Variants in DOCK1 observed in about 807,000 individuals in gnomAD.
DOCK1 encodes the protein dedicator of cytokinesis 1.
A neutral mutation model predicts 262.7 loss-of-function variants in DOCK1; 138 were observed. That is an observed-to-expected ratio of 0.53 (90% CI 0.46 to 0.61). DOCK1 has a LOEUF of 0.61. Ranked by LOEUF, DOCK1 falls within the 20% of genes least tolerant of loss-of-function variation. The probability of loss-of-function intolerance (pLI) is 0.00; values close to 1 mark genes in which losing one functional copy is unlikely to be tolerated. For synonymous variants in DOCK1, 866 were observed against 867.4 expected (o/e 1.00, Z 0.03); for missense variants, 1,908 against 2,370.7 (o/e 0.80, Z 4.05).
At chr10:127,300,271 G>C (rs548034939) in intron 29 of DOCK1, among the ~76,000 whole-genome samples, 22 of 152,142 alleles carry the variant, frequency 1.4e-4, no homozygotes, top group Non-Finnish European at 1.8e-4. Context: ...GGCTTCTTTC[G>C]CGCTGCCTCT....
intron 24 of DOCK1, among the ~76,000 whole-genome samples, chr10:127,108,249 G>A (rs2048656128): frequency 6.6e-6 from 1 of 152,184 alleles, no homozygotes. Context: ...GAATCAGAAA[G>A]TGCTGGATCC....
At chr10:127,215,335 C>T (rs112332966) in intron 27 of DOCK1, among the ~76,000 whole-genome samples, 2,863 of 152,244 alleles carry the variant, frequency 0.019, 107 homozygotes, top group African/African-American at 0.066. Flanking sequence ...ATCCATGGAG[C>T]ACTAGGGAAG....
At chr10:127,129,197 T>A (rs1460189971) in intron 27 of DOCK1, among the ~76,000 whole-genome samples, 1 of 152,182 alleles carries the variant, frequency 6.6e-6, no homozygotes, top group African/African-American at 2.4e-5. Flanking sequence ...TTAGTGTGTT[T>A]CCATCCAGTG....
chr10:127,395,849 G>A (rs1195587161), intron 38 of DOCK1, among the ~76,000 whole-genome samples: 1 of 152,212 alleles, frequency 6.6e-6, no homozygotes, highest in Non-Finnish European at 1.5e-5. Flanking sequence ...GGTGGCTGGG[G>A]CACCCACTGG....
chr10:127,058,794 C>T (rs548116625), intron 22 of DOCK1, among the ~76,000 whole-genome samples: 70 of 152,114 alleles, frequency 4.6e-4, no homozygotes, highest in African/African-American at 1.5e-3. Context: ...AAAAATAGCA[C>T]GCTGGAATTG....
At chr10:126,974,451 G>C (rs924726280) in intron 2 of DOCK1, among the ~76,000 whole-genome samples, 4 of 152,112 alleles carry the variant, frequency 2.6e-5, no homozygotes, top group African/African-American at 9.7e-5. Flanking sequence ...CCTGTGTCTT[G>C]CCTGTATTTG....
intron 1 of DOCK1, among the ~76,000 whole-genome samples, chr10:126,925,274 G>A (rs865954661): frequency 3.3e-5 from 5 of 152,214 alleles, no homozygotes; most frequent in African/African-American, 1.2e-4. Flanking sequence ...ACATATACAT[G>A]TAGTTAGAGC....
intron 23 of DOCK1, among the ~76,000 whole-genome samples, chr10:127,094,387 G>T (rs954550642): frequency 5.3e-5 from 8 of 152,126 alleles, no homozygotes; most frequent in African/African-American, 1.9e-4. Context: ...GCCTGCGGGT[G>T]GGGAGCCAGG....
At chr10:126,997,293 G>C (rs2040270898) in intron 7 of DOCK1, among the ~76,000 whole-genome samples, 1 of 152,132 alleles carries the variant, frequency 6.6e-6, no homozygotes, top group Non-Finnish European at 1.5e-5. Flanking sequence ...GCATTAGCCT[G>C]TTCTCGCCTT....
intron 29 of DOCK1, among the ~76,000 whole-genome samples, chr10:127,328,602 G>A (rs2062842876): frequency 1.3e-5 from 2 of 151,986 alleles, no homozygotes; most frequent in Non-Finnish European, 2.9e-5. Flanking sequence ...AGGGACGCCA[G>A]GGACGGCAGG....
intron 38 of DOCK1, among the ~76,000 whole-genome samples, chr10:127,390,964 G>A (rs951964070): frequency 3.9e-5 from 6 of 152,194 alleles, no homozygotes; most frequent in South Asian, 2.1e-4. Flanking sequence ...CTTGTTGAGC[G>A]CCAAGAACAT....
chr10:127,201,216 C>G (rs1010895972), intron 27 of DOCK1, among the ~76,000 whole-genome samples: 1 of 152,188 alleles, frequency 6.6e-6, no homozygotes, highest in Non-Finnish European at 1.5e-5. Flanking sequence ...GCATCATTCC[C>G]CTTGTCATAT....
chr10:127,286,228 CT>C (rs1042875983), intron 29 of DOCK1, among the ~76,000 whole-genome samples: 2 of 151,828 alleles, frequency 1.3e-5, no homozygotes, highest in Admixed American at 1.3e-4. Context: ...TTTGAATTCT[CT>C]TTTTGTTTGT....
chr10:127,433,475 G>A (rs1031779973), intron 48 of DOCK1, 47 bp downstream of exon 48: 4 of 1,594,130 alleles, frequency 2.5e-6, no homozygotes, highest in Admixed American at 1.7e-5. Flanking sequence ...GAGGGCTTGG[G>A]GGATCTGGAA....
intron 7 of DOCK1, among the ~76,000 whole-genome samples, chr10:126,997,563 C>G (rs762618423): frequency 6.6e-6 from 1 of 152,040 alleles, no homozygotes; most frequent in Non-Finnish European, 1.5e-5. Flanking sequence ...ATCATGAGGA[C>G]AGCACTGAGA....
In DOCK1 at chr10:127,176,038, G is replaced by A. The variant is rs749601333; in HGVS notation, c.2847+48274G>A. The A allele has an allele frequency of 6.2e-7, 1 of 1,614,166 alleles. No homozygotes were observed. Among genetic ancestry groups the A allele is most frequent in the Non-Finnish European group, 8.5e-7 (1 of 1,180,038 alleles). ...TTGAGGTTCCCCTTTTTGCGGTCCAGAGGGAACGTCTGGTAACACTTCTTA... is the reference window on the plus strand; with the variant it reads ...TTGAGGTTCCCCTTTTTGCGGTCCAAAGGGAACGTCTGGTAACACTTCTTA... On this transcript the variant is annotated intron_variant, in intron 27 of 51. Transcript: ENST00000623213. The surrounding 1 kb of genome is among the most constrained non-coding windows in gnomAD (Gnocchi z 4.4).
chr10:126,980,831 C>T (rs539408334), intron 3 of DOCK1, among the ~76,000 whole-genome samples: 15 of 152,278 alleles, frequency 9.9e-5, no homozygotes, highest in Admixed American at 7.2e-4. Context: ...ATGCAGGAAG[C>T]GGTAGCTGGG....
At chr10:127,355,176 C>A (rs1210198314) in intron 32 of DOCK1, among the ~76,000 whole-genome samples, 5 of 88,556 alleles carry the variant, frequency 5.6e-5, no homozygotes, top group African/African-American at 2.1e-4. Flanking sequence ...CATGCTCCTG[C>A]ACTCAAAGCA....
chr10:127,139,185 C>T (rs1053118129), intron 27 of DOCK1, among the ~76,000 whole-genome samples: 8 of 152,110 alleles, frequency 5.3e-5, no homozygotes, highest in Admixed American at 4.6e-4. Context: ...CCAGTGGAAC[C>T]GTAAACCATT....
Sources: gnomAD v4.1 joint callset for allele counts (sites outside exome capture counted in the v4.1 genomes callset) on GRCh38, gnomAD v4.1.1 for gene constraint, Gnocchi (gnomAD v3.1) non-coding constraint, MANE v1.5 for transcripts, NCBI Gene and HGNC (gene_info 2026-07-23, HGNC 2026-07-21) for gene names.